APPBP2: variants seen among roughly 807,000 people sequenced by gnomAD.
APPBP2 encodes amyloid protein-binding protein 2.
A neutral mutation model predicts 76.0 loss-of-function variants in APPBP2; 15 were observed. The observed-to-expected ratio is 0.20, with a 90% CI of 0.13 to 0.30. The LOEUF is 0.30. APPBP2 is among the 10% of genes least tolerant of loss of function. The probability of loss-of-function intolerance (pLI) is 1.00; values close to 1 mark genes in which losing one functional copy is unlikely to be tolerated. For missense variants in APPBP2, 401 were observed against 687.2 expected (o/e 0.58, Z 4.66); for synonymous variants, 222 against 242.2 (o/e 0.92, Z 0.77).
chr17:60,521,445 C>T (rs1378097292), intron 1 of APPBP2, among the ~76,000 whole-genome samples: 1 of 152,224 alleles, frequency 6.6e-6, no homozygotes, highest in African/African-American at 2.4e-5. Flanking sequence ...GTCCTAAAAG[C>T]TCCATTCACG....
At chr17:60,469,493 T>C (rs951140826) in intron 4 of APPBP2, among the ~76,000 whole-genome samples, 1 of 152,132 alleles carries the variant, frequency 6.6e-6, no homozygotes, top group African/African-American at 2.4e-5. Context: ...GTGGCATTAA[T>C]TATATTAACT....
intron 4 of APPBP2, among the ~76,000 whole-genome samples, chr17:60,475,648 TACACACAC>T (rs72415327): frequency 9.4e-4 from 121 of 129,260 alleles, no homozygotes; most frequent in African/African-American, 2.3e-3. Flanking sequence ...CAACTCTTTA[TACACACAC>T]ACACACACAC....
rs559705191 is a variant in APPBP2, at chr17:60,517,061, C to T, written c.138+8733G>A. ...CATGATCTCAGCTCGCTGCAGCCTC[C>T]GTCTCCTGGGTTCAAGCAATTCTCC... On this transcript the variant is annotated intron_variant, in intron 1 of 12. Coordinates refer to ENST00000083182, the MANE Select transcript of APPBP2 (RefSeq NM_006380.5). Among the ~76,000 whole-genome samples, 4 of 152,196 alleles carry T rather than the reference C, an allele frequency of 2.6e-5. No individual in the cohort carries two copies. The South Asian group carries it at 6.2e-4, about 24-fold the overall frequency.
At chr17:60,488,184 T>C (rs750076174) in intron 3 of APPBP2, among the ~76,000 whole-genome samples, 1 of 152,186 alleles carries the variant, frequency 6.6e-6, no homozygotes, top group African/African-American at 2.4e-5. Flanking sequence ...AGGGACCCAC[T>C]TGAGGAGGCA....
At chr17:60,464,594 C>G (rs1242320820) in intron 5 of APPBP2, among the ~76,000 whole-genome samples, 1 of 152,172 alleles carries the variant, frequency 6.6e-6, no homozygotes, top group Non-Finnish European at 1.5e-5. Context: ...AACACATTTA[C>G]CTGACAAAAC....
intron 1 of APPBP2, among the ~76,000 whole-genome samples, chr17:60,511,170 T>C (rs1173504968): frequency 6.6e-6 from 1 of 152,234 alleles, no homozygotes; most frequent in Admixed American, 6.5e-5. Context: ...ACACAATATA[T>C]ACCAGCAATC....
At chr17:60,517,784 G>A (rs1342235533) in intron 1 of APPBP2, among the ~76,000 whole-genome samples, 4 of 152,154 alleles carry the variant, frequency 2.6e-5, no homozygotes, top group African/African-American at 4.8e-5. Context: ...TTATAGCCAG[G>A]TAACAAGTTG....
At chr17:60,489,966 C>T (rs370911060) in intron 3 of APPBP2, among the ~76,000 whole-genome samples, 55 of 152,150 alleles carry the variant, frequency 3.6e-4, no homozygotes, top group African/African-American at 1.2e-3. Flanking sequence ...ACACAAGAGG[C>T]GGAAGTTGCA....
intron 3 of APPBP2, among the ~76,000 whole-genome samples, chr17:60,485,991 C>T (rs2090674315): frequency 6.6e-6 from 1 of 152,296 alleles, no homozygotes; most frequent in East Asian, 1.9e-4. Flanking sequence ...TGTTCAGTTT[C>T]CACGTAGTTG....
At chr17:60,513,318 C>A (rs1021008075) in intron 1 of APPBP2, 8 of 569,162 alleles carry the variant, frequency 1.4e-5, no homozygotes, top group Non-Finnish European at 2.0e-5. Flanking sequence ...ACCTATTCAT[C>A]AAATCAGAGT....
chr17:60,518,593 G>T (rs544074014), intron 1 of APPBP2, among the ~76,000 whole-genome samples: 11 of 152,018 alleles, frequency 7.2e-5, no homozygotes, highest in African/African-American at 2.7e-4. Context: ...ACCACTCACT[G>T]CAGCCTTGAA....
chr17:60,468,222 T>C (rs1468320635), intron 4 of APPBP2, among the ~76,000 whole-genome samples: 2 of 152,114 alleles, frequency 1.3e-5, no homozygotes, highest in Non-Finnish European at 2.9e-5. Flanking sequence ...AATGCAACTC[T>C]ATCAAGAATG....
At chr17:60,495,234 C>T (rs1349413455) in intron 2 of APPBP2, among the ~76,000 whole-genome samples, 1 of 151,558 alleles carries the variant, frequency 6.6e-6, no homozygotes, top group Admixed American at 6.6e-5. Flanking sequence ...GATCTACCCA[C>T]CTCGGCCTCC....
At chr17:60,450,781 A>G (rs907117339) in intron 12 of APPBP2, among the ~76,000 whole-genome samples, 1 of 147,886 alleles carries the variant, frequency 6.8e-6, no homozygotes, top group African/African-American at 2.7e-5. Context: ...CAAAAAAAAA[A>G]AAAGAAAGAA....
At chr17:60,502,465 T>C (rs2090830358) in intron 1 of APPBP2, among the ~76,000 whole-genome samples, 2 of 152,176 alleles carry the variant, frequency 1.3e-5, no homozygotes, top group Admixed American at 6.5e-5. Flanking sequence ...AATACAAACA[T>C]ACACTCCAAA....
intron 11 of APPBP2, among the ~76,000 whole-genome samples, chr17:60,453,038 C>A (rs1182153270): frequency 6.6e-6 from 1 of 152,124 alleles, no homozygotes; most frequent in African/African-American, 2.4e-5. Context: ...TCTTGCACAC[C>A]TGCCATGTGC....
intron 1 of APPBP2, among the ~76,000 whole-genome samples, chr17:60,524,047 T>A (rs1243075477): frequency 1.3e-5 from 2 of 152,190 alleles, no homozygotes; most frequent in Non-Finnish European, 2.9e-5. Context: ...CCAATAAGCA[T>A]ACAACTATTA....
rs933731447 is a variant in APPBP2 at position 60,457,078 on chromosome 17, C to T, written c.1062-697G>A. Among the ~76,000 whole-genome samples the T allele has an allele frequency of 8.0e-5, 12 of 150,280 alleles. 1 individual carries two copies. The highest frequency in any genetic ancestry group is 4.0e-4 in the Admixed American group (6 of 15,010). ...TGAACCTGGGAGGTGGAGGTTGCAG[C>T]GAGCCAAGATTGCACCATTGTACTC... On this transcript the variant is annotated intron_variant, in intron 9 of 12. Coordinates refer to ENST00000083182, the MANE Select transcript of APPBP2 (RefSeq NM_006380.5).
rs567964330 is a variant in APPBP2 at position 60,495,173 on chromosome 17, A to C, written c.228-556T>G. ...CTAATCTTTTTTGTATTTTTAGTAG[A>C]GACAGGGTCTCACCATGTTAGCCGG... is the stretch of plus-strand genomic sequence containing the variant. On this transcript the variant is annotated intron_variant, in intron 2 of 12. Transcript: ENST00000083182. Among the ~76,000 whole-genome samples, 11 of 151,632 alleles carry C rather than the reference A, an allele frequency of 7.3e-5. No individual in the cohort carries two copies. In the East Asian group the frequency reaches 2.1e-3, roughly 29 times the overall value.
Sources: gnomAD v4.1 joint callset for allele counts (sites outside exome capture counted in the v4.1 genomes callset) on GRCh38, gnomAD v4.1.1 for gene constraint, MANE v1.5 for transcripts, NCBI Gene and HGNC (gene_info 2026-07-23, HGNC 2026-07-21) for gene names.